CEP112: variants seen among roughly 807,000 people sequenced by gnomAD.
CEP112 encodes centrosomal protein of 112 kDa.
A neutral mutation model predicts 153.0 loss-of-function variants in CEP112; 127 were observed. The ratio of observed to expected loss-of-function variants is 0.83; its 90% CI spans 0.72 to 0.96. CEP112 has a LOEUF of 0.96. Among genes scored for constraint, CEP112 ranks in the 40% least tolerant of loss-of-function variants. CEP112 has a pLI of 0.00. For synonymous variants in CEP112, 358 were observed against 374.4 expected (o/e 0.96, Z 0.51); for missense variants, 1,089 against 1,101.2 (o/e 0.99, Z 0.16).
chr17:66,174,867 T>C (rs2072403608), intron 4 of CEP112, among the ~76,000 whole-genome samples, 177 bp downstream of exon 4: 1 of 152,158 alleles, frequency 6.6e-6, no homozygotes, highest in Admixed American at 6.5e-5. Context: ...CAAAAATATA[T>C]ATGAAGTTAA....
At chr17:66,110,698 CA>C (rs1425307577) in intron 6 of CEP112, among the ~76,000 whole-genome samples, 1 of 146,544 alleles carries the variant, frequency 6.8e-6, no homozygotes, top group Non-Finnish European at 1.5e-5. Context: ...AGCATAAATA[CA>C]AAAAATCAAC....
At chr17:65,960,857 T>G (rs1192504263) in intron 18 of CEP112, among the ~76,000 whole-genome samples, 1 of 152,214 alleles carries the variant, frequency 6.6e-6, no homozygotes, top group East Asian at 1.9e-4. Flanking sequence ...AATAATGTGA[T>G]TAGACATGAA....
chr17:66,075,457 T>C (rs189369071), intron 8 of CEP112, among the ~76,000 whole-genome samples: 11 of 150,872 alleles, frequency 7.3e-5, no homozygotes, highest in Admixed American at 7.2e-4. Flanking sequence ...AAGAAGTCAA[T>C]AGAAAAATTA....
chr17:65,971,145 A>C (rs1003517734), intron 17 of CEP112, among the ~76,000 whole-genome samples: 6 of 152,208 alleles, frequency 3.9e-5, no homozygotes, highest in African/African-American at 1.4e-4. Context: ...TTGCATGTGC[A>C]CATGATACAT....
intron 4 of CEP112, among the ~76,000 whole-genome samples, chr17:66,133,374 T>C (rs1015857803): frequency 3.3e-5 from 5 of 152,188 alleles, no homozygotes; most frequent in Non-Finnish European, 5.9e-5. Context: ...CCTTAAAATA[T>C]ATAAAATAAC....
Position 65,961,632 on chromosome 17 carries a change from T to C in CEP112, c.1737-34A>G. The C allele has an allele frequency of 5.1e-6, 8 of 1,570,652 alleles. No individual in the cohort carries two copies. The East Asian group carries it at 1.8e-4, about 36-fold the overall frequency. ...GTTCAGAGAAGCTTCAGAGTTAAAA[T>C]ATAAAAGAGCTAGGCCTGAATGAAA... On this transcript the variant is annotated intron_variant, in intron 17 of 26. Transcript: ENST00000535342.
chr17:65,850,464 AT>A (rs1169932882), intron 21 of CEP112, among the ~76,000 whole-genome samples: 1 of 152,140 alleles, frequency 6.6e-6, no homozygotes, highest in Non-Finnish European at 1.5e-5. Context: ...TTCAGAACAT[AT>A]CCCAAATCTG....
At chr17:65,763,930 A>C (rs968528513) in intron 21 of CEP112, among the ~76,000 whole-genome samples, 9 of 151,980 alleles carry the variant, frequency 5.9e-5, no homozygotes, top group Non-Finnish European at 1.3e-4. Flanking sequence ...GCAGTGAAAA[A>C]GGCTTTAATC....
At chr17:65,997,518 C>T (rs1309585355) in intron 17 of CEP112, among the ~76,000 whole-genome samples, 2 of 152,194 alleles carry the variant, frequency 1.3e-5, no homozygotes, top group Non-Finnish European at 2.9e-5. Context: ...AAACTGAAAG[C>T]ATCTCAGGAC....
intron 23 of CEP112, among the ~76,000 whole-genome samples, chr17:65,712,898 C>T (rs1189936450): frequency 6.6e-6 from 1 of 152,038 alleles, no homozygotes; most frequent in African/African-American, 2.4e-5. Flanking sequence ...ATGAGGCTTG[C>T]ATTCATGCCA....
chr17:66,053,807 C>A lies in CEP112; in HGVS notation c.1147G>T (p.Glu383Ter). The change falls in exon 12 of 27, where the codon GAA (glutamate) becomes TAA (stop). Residue 383 changes from glutamate (E) to a stop codon, truncating the protein, a stop_gained. Coordinates refer to ENST00000535342, the MANE Select transcript of CEP112 (RefSeq NM_001199165.4). LOFTEE classifies it high-confidence loss of function. ...CGCACATTTGTATCCTCAAGCAATTCTTGAATGTTTTCAGTGTGTTGCTTT... is the reference window on the plus strand; with the variant it reads ...CGCACATTTGTATCCTCAAGCAATTATTGAATGTTTTCAGTGTGTTGCTTT... ...LQKQHTENIQELLEDTNVRLN... is the reference protein window; with the variant it reads ...LQKQHTENIQ 2 of 1,613,084 alleles carry A rather than the reference C, an allele frequency of 1.2e-6. No homozygotes were observed. The highest frequency in any genetic ancestry group is 1.1e-5 in the South Asian group (1 of 90,800).
intron 17 of CEP112, among the ~76,000 whole-genome samples, chr17:66,000,422 GTC>G (rs1298085228): frequency 2.7e-5 from 4 of 148,496 alleles, no homozygotes; most frequent in African/African-American, 9.9e-5. Context: ...ACAAATCAAT[GTC>G]TGGGCGGGGT....
At chr17:65,737,002 A>T (rs1021439628) in intron 23 of CEP112, among the ~76,000 whole-genome samples, 14 of 152,156 alleles carry the variant, frequency 9.2e-5, no homozygotes, top group Admixed American at 9.2e-4. Flanking sequence ...AGAAAAATAA[A>T]TGTGAGTGAA....
At chr17:65,645,821 T>G (rs2045400032) in intron 24 of CEP112, among the ~76,000 whole-genome samples, 1 of 152,232 alleles carries the variant, frequency 6.6e-6, no homozygotes, top group African/African-American at 2.4e-5. Flanking sequence ...TAGTTCCTTT[T>G]TCTAAAAGAA....
intron 21 of CEP112, among the ~76,000 whole-genome samples, chr17:65,769,010 T>A (rs1206079100): frequency 6.6e-6 from 1 of 152,106 alleles, no homozygotes; most frequent in Non-Finnish European, 1.5e-5. Context: ...TATTTGCAGA[T>A]GACATGATTG....
intron 18 of CEP112, among the ~76,000 whole-genome samples, chr17:65,954,902 G>A (rs1273522692): frequency 2.6e-5 from 4 of 152,186 alleles, no homozygotes; most frequent in Non-Finnish European, 5.9e-5. Flanking sequence ...TGGTGTTCCT[G>A]AGGAAGATGA....
chr17:66,149,128 T>C (rs971833687), intron 4 of CEP112, among the ~76,000 whole-genome samples: 4 of 152,246 alleles, frequency 2.6e-5, no homozygotes, highest in South Asian at 2.1e-4. Flanking sequence ...GCTAATGTAG[T>C]ATATCACATT....
At chr17:66,064,765 A>C (rs1361437055) in intron 10 of CEP112, among the ~76,000 whole-genome samples, 1 of 152,176 alleles carries the variant, frequency 6.6e-6, no homozygotes, top group African/African-American at 2.4e-5. Context: ...TCATTTTTAA[A>C]CCTTAGGCAT....
chr17:65,971,661 CAT>C (rs2062836019), intron 17 of CEP112, among the ~76,000 whole-genome samples: 1 of 122,102 alleles, frequency 8.2e-6, no homozygotes, highest in African/African-American at 2.6e-5. Context: ...ATGTCACATG[CAT>C]GTATGTTACA....
Sources: gnomAD v4.1 joint callset for allele counts (sites outside exome capture counted in the v4.1 genomes callset) on GRCh38, gnomAD v4.1.1 for gene constraint, MANE v1.5 for transcripts, NCBI Gene and HGNC (gene_info 2026-07-23, HGNC 2026-07-21) for gene names.